OR10K1: variants seen among roughly 807,000 people sequenced by gnomAD.
OR10K1 encodes the protein olfactory receptor 10K1.
For synonymous variants in OR10K1, 186 were observed against 152.5 expected (o/e 1.22, Z -1.62); for missense variants, 404 against 373.3 (o/e 1.08, Z -0.68).
Position 158,466,251 on chromosome 1 carries a change from C to T in OR10K1, c.690C>T (p.Ser230=). 6.2e-7 allele frequency: 1 copy of T among 1,614,190 alleles called. No homozygotes were observed. Among genetic ancestry groups the T allele is most frequent in the East Asian group, 2.2e-5 (1 of 44,882 alleles). Residue 230 remains serine, a synonymous_variant, in exon 2 of 2, where the codon TCC becomes TCT. Transcript: ENST00000641535. ...TCTCTGCCATTCTAAAAATCCCTTCCTCCGTTGGAAGATACAAGACCTTCT... is the reference window on the plus strand; with the variant it reads ...TCTCTGCCATTCTAAAAATCCCTTCTTCCGTTGGAAGATACAAGACCTTCT... ...RIISAILKIP[S]SVGRYKTFST...
chr1:158,463,351 G>A (rs1009082580), intron 1 of OR10K1, among the ~76,000 whole-genome samples: 1 of 152,126 alleles, frequency 6.6e-6, no homozygotes, highest in African/African-American at 2.4e-5. Context: ...GCAGATGGGG[G>A]CTGCCTTCTC....
intron 1 of OR10K1, among the ~76,000 whole-genome samples, chr1:158,464,525 G>A (rs955794005): frequency 2.1e-4 from 32 of 152,198 alleles, no homozygotes; most frequent in African/African-American, 7.2e-4. Context: ...ATGGAAAAGT[G>A]AAGTGTGTTA....
In OR10K1 at chr1:158,465,868, T is replaced by C. The variant is rs140049099; in HGVS notation, c.307T>C (p.Ser103Pro). 3.5e-4 allele frequency: 568 copies of C among 1,614,210 alleles called. 2 individuals carry two copies. In the African/African-American group the frequency reaches 6.6e-3, roughly 19 times the overall value. ...SFLGCAIQMF[S>P]FLFFGSSHSF... is the part of the protein sequence containing the mutation. ...CCTGGGCTGTGCCATCCAAATGTTT[T>C]CCTTCCTCTTCTTTGGCTCCTCTCA... The change falls in exon 2 of 2, where the codon TCC becomes CCC. Residue 103 changes from serine (S) to proline (P), a missense_variant. Coordinates refer to ENST00000641535, the MANE Select transcript of OR10K1 (RefSeq NM_001004473.2).
intron 1 of OR10K1, among the ~76,000 whole-genome samples, chr1:158,463,509 T>C (rs1655968912): frequency 6.6e-6 from 1 of 152,188 alleles, no homozygotes; most frequent in South Asian, 2.1e-4. Context: ...CAAAAAATAA[T>C]CCAAACAATT....
At chr1:158,464,032 T>C (rs1050101801) in intron 1 of OR10K1, among the ~76,000 whole-genome samples, 5 of 152,132 alleles carry the variant, frequency 3.3e-5, no homozygotes, top group African/African-American at 1.2e-4. Flanking sequence ...GCCTGATGAA[T>C]TAACTTAGGA....
chr1:158,464,592 T>C (rs1293133720), intron 1 of OR10K1, among the ~76,000 whole-genome samples: 1 of 152,202 alleles, frequency 6.6e-6, no homozygotes, highest in Non-Finnish European at 1.5e-5. Flanking sequence ...ATTCTCTTCC[T>C]GAAAGAAGAA....
chr1:158,462,665 G>A (rs1275573861), intron 1 of OR10K1, among the ~76,000 whole-genome samples: 1 of 152,090 alleles, frequency 6.6e-6, no homozygotes, highest in Non-Finnish European at 1.5e-5. Flanking sequence ...TTTATTATCT[G>A]AAGCTGCTTA....
rs752427084 is a variant in OR10K1, at chr1:158,466,041, C to A, written c.480C>A (p.Thr160=). The A allele has an allele frequency of 3.1e-6, 5 of 1,614,150 alleles. No homozygotes were observed. Among genetic ancestry groups the A allele is most frequent in the Non-Finnish European group, 4.2e-6 (5 of 1,180,028 alleles). ...ACGFTVSLVT[T]SLVFHLPFHS... is the part of the protein sequence containing the mutation. ...GCTTCACTGTCTCCCTGGTCACCAC[C>A]TCCCTAGTATTTCATCTGCCCTTCC... Residue 160 remains threonine (T), a synonymous_variant, in exon 2 of 2, where the codon ACC becomes ACA. Transcript: ENST00000641535.
At chr1:158,464,625 CTAA>C (rs1228834742) in intron 1 of OR10K1, among the ~76,000 whole-genome samples, 1 of 151,978 alleles carries the variant, frequency 6.6e-6, no homozygotes, top group Non-Finnish European at 1.5e-5. Flanking sequence ...TACTAATGCA[CTAA>C]TGTTATTTAT....
chr1:158,464,675 T>G (rs1431971662), intron 1 of OR10K1, among the ~76,000 whole-genome samples: 1 of 152,134 alleles, frequency 6.6e-6, no homozygotes, highest in Non-Finnish European at 1.5e-5. Context: ...TTGAGACAGA[T>G]TCTCACTGTG....
At chr1:158,464,152 T>C (rs1467869180) in intron 1 of OR10K1, among the ~76,000 whole-genome samples, 4 of 152,116 alleles carry the variant, frequency 2.6e-5, no homozygotes, top group African/African-American at 9.7e-5. Context: ...TGTAGTAACT[T>C]CAGAAGTATA....
chr1:158,466,636 C>T lies in OR10K1; in HGVS notation c.*133C>T, dbSNP rs539611738. ...TTACATATGAGAAGAATGAGGCTCACAGAAGTTAAGACAGTCTGGCTTTCT... is the reference window on the plus strand; with the variant it reads ...TTACATATGAGAAGAATGAGGCTCATAGAAGTTAAGACAGTCTGGCTTTCT... On this transcript the variant is annotated 3_prime_UTR_variant, in exon 2 of 2. Transcript: ENST00000641535. 3.1e-6 allele frequency: 2 copies of T among 649,332 alleles called. No individual in the cohort carries two copies. Among genetic ancestry groups the T allele is most frequent in the East Asian group, 5.4e-5 (2 of 36,928 alleles). The allele number at this position is 649,332 out of a possible 1,614,324, so 40.2% of individuals were successfully genotyped here.
chr1:158,465,693 C>T lies in OR10K1; in HGVS notation c.132C>T (p.Ile44=). 1 of 1,614,198 alleles carries T rather than the reference C, an allele frequency of 6.2e-7. No homozygotes were observed. The highest frequency in any genetic ancestry group is 8.5e-7 in the Non-Finnish European group (1 of 1,180,030). ...LYLFTLGTNA[I]IISTIVLDRA... is the part of the protein sequence containing the mutation. ...TGTTCACTCTGGGCACCAATGCAAT[C>T]ATCATTTCCACCATTGTGCTGGACA... Residue 44 remains isoleucine, a synonymous_variant, in exon 2 of 2, where the codon ATC becomes ATT. Coordinates refer to ENST00000641535, the MANE Select transcript of OR10K1 (RefSeq NM_001004473.2).
At chr1:158,465,115 G>T (rs1548355) in intron 1 of OR10K1, among the ~76,000 whole-genome samples, 34,574 of 152,066 alleles carry the variant, frequency 0.23, 4,294 homozygotes, top group Non-Finnish European at 0.28. Flanking sequence ...TCATTTCATG[G>T]TTGGATAAAC....
At chr1:158,462,393 ACTTCCTTCCTCCCTTCCTTCTTTCCTTC>A (rs1655940088) in intron 1 of OR10K1, among the ~76,000 whole-genome samples, 1 of 145,202 alleles carries the variant, frequency 6.9e-6, no homozygotes, top group African/African-American at 2.6e-5. Context: ...TTTCTTCCTT[ACTTCCTTCCTCCCTTCCTTCTTTCCTTC>A]CTTCCTTCCT....
Position 158,466,199 on chromosome 1 carries a change from T to A in OR10K1, c.638T>A (p.Leu213His). 1 of 1,614,184 alleles carries A rather than the reference T, an allele frequency of 6.2e-7. No homozygotes were observed. ...GVFALVIPLL[L>H]ILVSYIRIIS... is the part of the protein sequence containing the mutation. ...TTTGCCTTGGTCATTCCTCTGCTAC[T>A]TATCCTAGTCTCCTACATCCGCATC... Residue 213 changes from leucine (L) to histidine (H), a missense_variant, in exon 2 of 2, where the codon CTT becomes CAT. Transcript: ENST00000641535.
chr1:158,466,314 C>G lies in OR10K1; in HGVS notation c.753C>G (p.His251Gln), dbSNP rs774801957. The G allele has an allele frequency of 2.8e-5, 45 of 1,613,944 alleles. No individual in the cohort carries two copies. The highest frequency in any genetic ancestry group is 3.7e-5 in the Non-Finnish European group (44 of 1,179,938). ...CCCATCTCATTGTGGTAACTGTTCA[C>G]TACAGTTGTGCCTCTTTCATCTACT... Reference protein sequence around the residue: ...CASHLIVVTVHYSCASFIYLR... With the variant: ...CASHLIVVTVQYSCASFIYLR... Residue 251 changes from histidine to glutamine, a missense_variant, in exon 2 of 2, where the codon CAC becomes CAG. His to Gln is a conservative substitution (Grantham distance 24). Transcript: ENST00000641535.
At chr1:158,462,163 C>T (rs1655933072) in intron 1 of OR10K1, among the ~76,000 whole-genome samples, 1 of 151,824 alleles carries the variant, frequency 6.6e-6, no homozygotes, top group Non-Finnish European at 1.5e-5. Context: ...ACCTGTAATC[C>T]CAGCTACCTG....
At chr1:158,463,085 A>C (rs977455596) in intron 1 of OR10K1, among the ~76,000 whole-genome samples, 5 of 151,960 alleles carry the variant, frequency 3.3e-5, no homozygotes, top group Admixed American at 6.6e-5. Flanking sequence ...CACATATCCC[A>C]ACAGTTTATT....
Sources: gnomAD v4.1 joint callset for allele counts (sites outside exome capture counted in the v4.1 genomes callset) on GRCh38, gnomAD v4.1.1 for gene constraint, MANE v1.5 for transcripts, NCBI Gene and HGNC (gene_info 2026-07-23, HGNC 2026-07-21) for gene names.